Variants in RGS6 observed in about 807,000 individuals in gnomAD.
RGS6 encodes the protein regulator of G protein signaling 6, also known as regulator of G-protein signaling 6.
A neutral mutation model predicts 78.5 loss-of-function variants in RGS6; 30 were observed. That is an observed-to-expected ratio of 0.38 (90% CI 0.29 to 0.52). The LOEUF (loss-of-function observed/expected upper bound fraction) is 0.52. RGS6 is among the 20% of genes least tolerant of loss of function. The pLI, the probability that RGS6 is intolerant of heterozygous loss-of-function variation, is 0.85. For missense variants in RGS6, 495 were observed against 609.7 expected (o/e 0.81, Z 1.98); for synonymous variants, 206 against 206.0 (o/e 1.00, Z 0.00).
chr14:71,971,085 A>G (rs2093774469), intron 2 of RGS6, among the ~76,000 whole-genome samples: 1 of 152,170 alleles, frequency 6.6e-6, no homozygotes, highest in Non-Finnish European at 1.5e-5. Context: ...ATAGAGCTAG[A>G]CAGATGGATT....
chr14:72,078,373 T>C (rs2094672956), intron 2 of RGS6, among the ~76,000 whole-genome samples: 1 of 152,098 alleles, frequency 6.6e-6, no homozygotes, highest in Admixed American at 6.6e-5. Flanking sequence ...CCTTTATAAA[T>C]TACCCAGTCT....
At chr14:72,397,222 C>G (rs2091518474) in intron 3 of RGS6, among the ~76,000 whole-genome samples, 1 of 152,154 alleles carries the variant, frequency 6.6e-6, no homozygotes, top group African/African-American at 2.4e-5. Context: ...TCTTTTATTT[C>G]ATTTAGTAGT....
intron 2 of RGS6, among the ~76,000 whole-genome samples, chr14:72,304,598 C>T (rs529500096): frequency 4.9e-4 from 75 of 152,244 alleles, no homozygotes; most frequent in Non-Finnish European, 7.8e-4. Context: ...AAACATTGGC[C>T]AGGCGCAGTG....
At chr14:72,057,200 GCTT>G (rs1330333681) in intron 2 of RGS6, among the ~76,000 whole-genome samples, 1 of 151,098 alleles carries the variant, frequency 6.6e-6, no homozygotes, top group African/African-American at 2.4e-5. Context: ...TGTAATCCCA[GCTT>G]CTTGGGAGGC....
chr14:71,920,868 A>G, the RGS6 span, among the ~76,000 whole-genome samples: 2 of 152,254 alleles, frequency 1.3e-5, no homozygotes, highest in African/African-American at 4.8e-5. Flanking sequence ...GGATTGCCTC[A>G]AAGTAAAAAG....
chr14:71,909,574 C>CAGAGAGAG, the RGS6 span, among the ~76,000 whole-genome samples: 114 of 16,898 alleles, frequency 6.7e-3, no homozygotes, highest in African/African-American at 0.019. Context: ...GAAATAAGGA[C>CAGAGAGAG]ATAGAGAGAG....
At chr14:72,251,255 A>G (rs2055690377) in intron 2 of RGS6, among the ~76,000 whole-genome samples, 1 of 152,238 alleles carries the variant, frequency 6.6e-6, no homozygotes, top group African/African-American at 2.4e-5. Context: ...TCAGAAGGGT[A>G]GATGAAAAGT....
chr14:72,285,464 T>G (rs2062368038), intron 2 of RGS6, among the ~76,000 whole-genome samples: 1 of 152,166 alleles, frequency 6.6e-6, no homozygotes, highest in Non-Finnish European at 1.5e-5. Flanking sequence ...CCATGTAAGA[T>G]GTCCTTTTTG....
At chr14:72,016,783 C>T (rs536627099) in intron 2 of RGS6, among the ~76,000 whole-genome samples, 8 of 152,064 alleles carry the variant, frequency 5.3e-5, no homozygotes, top group African/African-American at 1.9e-4. Context: ...TTTTTTTTGG[C>T]TATTCTAAGC....
At chr14:71,884,056 C>G in the RGS6 span, among the ~76,000 whole-genome samples, 1 of 152,194 alleles carries the variant, frequency 6.6e-6, no homozygotes, top group Non-Finnish European at 1.5e-5. Context: ...TCACTTTACT[C>G]TATGGATTTG....
intron 3 of RGS6, among the ~76,000 whole-genome samples, chr14:72,419,295 G>A (rs79866945): frequency 6.6e-6 from 1 of 152,190 alleles, no homozygotes; most frequent in East Asian, 1.9e-4. Context: ...CATTTTATCT[G>A]CACGGCAGCT....
At position 72,268,949 on chromosome 14, in the gene RGS6, C is replaced by A. The variant is rs192948188; in HGVS notation, c.85-83146C>A. ...GCCCAGTAACACACTGCTGGCAATT[C>A]GACCTGATCTCTCTCTTTCTTCCGC... is the stretch of plus-strand genomic sequence containing the variant. On this transcript the variant is annotated intron_variant, in intron 2 of 17. Transcript: ENST00000553525. 7.9e-5 allele frequency among the ~76,000 whole-genome samples: 12 copies of A among 152,328 alleles called. No individual in the cohort carries two copies. In the East Asian group the frequency reaches 2.1e-3, roughly 27 times the overall value.
intron 2 of RGS6, among the ~76,000 whole-genome samples, chr14:71,994,293 C>T (rs189889590): frequency 4.6e-5 from 7 of 152,226 alleles, no homozygotes; most frequent in Admixed American, 2.0e-4. Flanking sequence ...TTTATTTTTA[C>T]AGACAAAAGC....
intron 3 of RGS6, among the ~76,000 whole-genome samples, chr14:72,367,703 C>A (rs1347797856): frequency 6.6e-6 from 1 of 152,102 alleles, no homozygotes; most frequent in East Asian, 1.9e-4. Context: ...TTTTTAATAG[C>A]TTTATGTTTA....
chr14:72,253,155 C>A (rs2056234942), intron 2 of RGS6, among the ~76,000 whole-genome samples: 1 of 152,226 alleles, frequency 6.6e-6, no homozygotes, highest in Admixed American at 6.5e-5. Context: ...ATATGACTAT[C>A]CACATCCGTG....
intron 17 of RGS6, among the ~76,000 whole-genome samples, chr14:72,551,744 G>C (rs1425213674): frequency 6.6e-6 from 1 of 152,226 alleles, no homozygotes; most frequent in Admixed American, 6.5e-5. Flanking sequence ...GGCATTCAAT[G>C]AGGATGTGAT....
chr14:71,993,524 G>T (rs537847685), intron 2 of RGS6, among the ~76,000 whole-genome samples: 9 of 152,206 alleles, frequency 5.9e-5, no homozygotes, highest in Admixed American at 5.2e-4. Context: ...TTATGTCATA[G>T]ATATTGTTGT....
chr14:72,328,799 C>T (rs2074353576), intron 2 of RGS6, among the ~76,000 whole-genome samples: 1 of 152,198 alleles, frequency 6.6e-6, no homozygotes, highest in Non-Finnish European at 1.5e-5. Context: ...TCCCAAAATA[C>T]ATTAAAAATC....
chr14:72,612,731 T>C, the RGS6 span: 1 of 417,934 alleles, frequency 2.4e-6, no homozygotes, highest in Non-Finnish European at 4.8e-6. Flanking sequence ...ATTGAGACTT[T>C]TGAAGTACCC....
Sources: allele counts gnomAD v4.1 joint callset (sites outside exome capture counted in the v4.1 genomes callset), GRCh38; gene constraint gnomAD v4.1.1; transcripts MANE v1.5; gene names NCBI Gene and HGNC (gene_info 2026-07-23, HGNC 2026-07-21).